B3GALT1: variants seen among roughly 807,000 people sequenced by gnomAD.
B3GALT1 encodes the protein beta-1,3-galactosyltransferase 1.
In B3GALT1, 10 loss-of-function variants were observed where a neutral mutation model predicts 23.2. The observed-to-expected ratio is 0.43, with a 90% CI of 0.27 to 0.73. B3GALT1 has a LOEUF of 0.73. B3GALT1 is among the 30% of genes least tolerant of loss of function. B3GALT1 has a pLI of 0.21. For missense variants in B3GALT1, 299 were observed against 405.4 expected (o/e 0.74, Z 2.25); for synonymous variants, 156 against 141.5 (o/e 1.10, Z -0.73).
intron 1 of B3GALT1, among the ~76,000 whole-genome samples, chr2:167,397,652 C>G (rs2689847): frequency 0.95 from 144,079 of 152,216 alleles, 68,454 homozygotes; most frequent in Non-Finnish European, 0.99. Flanking sequence ...ATTAAGAAAT[C>G]TATTGGTGTC....
chr2:167,664,969 A>G (rs1294522667), intron 3 of B3GALT1, among the ~76,000 whole-genome samples: 3 of 150,528 alleles, frequency 2.0e-5, no homozygotes, highest in Non-Finnish European at 3.0e-5. Flanking sequence ...TCTCCTGCCT[A>G]ATTGCCCTGG....
At chr2:167,634,728 A>C (rs1291978623) in intron 2 of B3GALT1, among the ~76,000 whole-genome samples, 4 of 152,088 alleles carry the variant, frequency 2.6e-5, no homozygotes, top group Non-Finnish European at 5.9e-5. Flanking sequence ...AACCAAAAAA[A>C]AATCCCAGGT....
chr2:167,548,685 A>AGTGTGT (rs71031297), intron 2 of B3GALT1, among the ~76,000 whole-genome samples: 19,890 of 144,650 alleles, frequency 0.14, 1,545 homozygotes, highest in East Asian at 0.22. Flanking sequence ...CGTGTGTGTG[A>AGTGTGT]GTGTGTGTGT....
chr2:167,804,750 A>C (rs1381292317), intron 3 of B3GALT1, among the ~76,000 whole-genome samples: 1 of 152,150 alleles, frequency 6.6e-6, no homozygotes, highest in Non-Finnish European at 1.5e-5. Context: ...GCTTGGTTCC[A>C]AGTCTTTGCT....
At chr2:167,563,330 G>A (rs1226809558) in intron 2 of B3GALT1, among the ~76,000 whole-genome samples, 10 of 144,552 alleles carry the variant, frequency 6.9e-5, no homozygotes, top group East Asian at 2.2e-4. Flanking sequence ...CTCACTTCCC[G>A]GAAGGGGCGG....
chr2:167,296,864 T>C (rs1239618003), intron 1 of B3GALT1, among the ~76,000 whole-genome samples: 2 of 152,158 alleles, frequency 1.3e-5, no homozygotes, highest in African/African-American at 2.4e-5. Flanking sequence ...TGATAACTTA[T>C]ATAGAATATT....
At chr2:167,421,316 A>AT (rs1698543950) in intron 1 of B3GALT1, among the ~76,000 whole-genome samples, 2 of 152,232 alleles carry the variant, frequency 1.3e-5, no homozygotes, top group Non-Finnish European at 2.9e-5. Context: ...AGAACTTTCC[A>AT]TTATCACAAA....
intron 3 of B3GALT1, among the ~76,000 whole-genome samples, chr2:167,655,931 C>G (rs1685948341): frequency 6.6e-6 from 1 of 152,132 alleles, no homozygotes; most frequent in African/African-American, 2.4e-5. Flanking sequence ...ACACACACCA[C>G]TAGCATTTTT....
intron 1 of B3GALT1, among the ~76,000 whole-genome samples, chr2:167,467,079 C>T (rs965495397): frequency 6.6e-6 from 1 of 151,626 alleles, no homozygotes; most frequent in Non-Finnish European, 1.5e-5. Context: ...TAGCAGTAGG[C>T]CTCCGGATGG....
chr2:167,379,759 C>T (rs932092564), intron 1 of B3GALT1, among the ~76,000 whole-genome samples: 5 of 152,330 alleles, frequency 3.3e-5, no homozygotes, highest in East Asian at 1.9e-4. Flanking sequence ...TGGGCAGGTC[C>T]ACCTATAGGT....
chr2:167,713,960 A>G, intron 3 of B3GALT1: 1 of 1,561,286 alleles, frequency 6.4e-7, no homozygotes, highest in Non-Finnish European at 8.8e-7. Flanking sequence ...CACTGGAAAC[A>G]ATGGACCACT....
intron 3 of B3GALT1, among the ~76,000 whole-genome samples, chr2:167,688,913 AC>A (rs1686662355): frequency 5.3e-5 from 8 of 152,120 alleles, no homozygotes; most frequent in Admixed American, 5.2e-4. Flanking sequence ...TTGTGTATTT[AC>A]TATGTGTGTA....
At chr2:167,681,630 G>A (rs908033753) in intron 3 of B3GALT1, among the ~76,000 whole-genome samples, 1 of 152,226 alleles carries the variant, frequency 6.6e-6, no homozygotes, top group Non-Finnish European at 1.5e-5. Context: ...GTAGAGGCAT[G>A]CACTAAGTTT....
In B3GALT1 at chr2:167,809,446, G is replaced by A. The variant is rs188644703; in HGVS notation, c.-351-9226G>A. ...ACCTTTGGTCTTTGATGATGGTGAC[G>A]TACAGATGGGGTTTTGGTGTGGATG... is the stretch of plus-strand genomic sequence containing the variant. On this transcript the variant is annotated intron_variant, in intron 3 of 4. Transcript: ENST00000392690. Among the ~76,000 whole-genome samples the A allele has an allele frequency of 1.7e-4, 26 of 152,224 alleles. No homozygotes were observed. In the East Asian group the frequency reaches 4.1e-3, roughly 24 times the overall value.
At chr2:167,706,136 C>G (rs1686963820) in intron 3 of B3GALT1, among the ~76,000 whole-genome samples, 1 of 152,152 alleles carries the variant, frequency 6.6e-6, no homozygotes, top group Admixed American at 6.5e-5. Context: ...TATGAAAGAG[C>G]ACAAGATACA....
intron 3 of B3GALT1, chr2:167,713,954 G>A: frequency 2.6e-6 from 4 of 1,562,464 alleles, no homozygotes; most frequent in Middle Eastern, 1.7e-4. Context: ...TGTATCCACT[G>A]GAAACAATGG....
chr2:167,701,068 A>G (rs1477390937), intron 3 of B3GALT1, among the ~76,000 whole-genome samples: 5 of 152,178 alleles, frequency 3.3e-5, no homozygotes. Context: ...TAAGAAAAGC[A>G]CTATTTGTTG....
intron 4 of B3GALT1, among the ~76,000 whole-genome samples, chr2:167,854,795 T>C (rs1689967977): frequency 6.6e-6 from 1 of 152,156 alleles, no homozygotes; most frequent in Admixed American, 6.5e-5. Flanking sequence ...AACTGCCAAA[T>C]CGGCCATGAG....
chr2:167,579,494 T>G (rs1042397801), intron 2 of B3GALT1, among the ~76,000 whole-genome samples: 4 of 145,886 alleles, frequency 2.7e-5, no homozygotes, highest in African/African-American at 1.0e-4. Context: ...CACTTAAATA[T>G]CTAAAAATCT....
Sources: allele counts gnomAD v4.1 joint callset (sites outside exome capture counted in the v4.1 genomes callset), GRCh38; gene constraint gnomAD v4.1.1; transcripts MANE v1.5; gene names NCBI Gene and HGNC (gene_info 2026-07-23, HGNC 2026-07-21).